ARHGEF33: variants seen among roughly 807,000 people sequenced by gnomAD.
ARHGEF33 encodes Rho guanine nucleotide exchange factor 33, also known as DH and coiled-coil domain-containing protein ENSP00000381780.
Under a neutral mutation model 101.9 loss-of-function variants are expected in ARHGEF33, and 72 were observed. That is an observed-to-expected ratio of 0.71 (90% CI 0.58 to 0.86). The LOEUF is 0.86. Among genes scored for constraint, ARHGEF33 ranks in the 40% least tolerant of loss-of-function variants. ARHGEF33 has a pLI of 0.00. For missense variants in ARHGEF33, 1,169 were observed against 1,111.3 expected (o/e 1.05, Z -0.74); for synonymous variants, 499 against 442.5 (o/e 1.13, Z -1.60).
intron 2 of ARHGEF33, among the ~76,000 whole-genome samples, chr2:38,912,936 G>A (rs759044005): frequency 1.3e-4 from 20 of 151,820 alleles, no homozygotes; most frequent in Non-Finnish European, 2.2e-4. Flanking sequence ...AAAATATGAA[G>A]CATCATGTTT....
At position 38,953,166 on chromosome 2, in the gene ARHGEF33, A is replaced by G; in HGVS notation, c.1058A>G (p.Asn353Ser). ...LFLKLTNDEN[N>S]FLDYYVAYLR... ...ATTTTTGTGTTTGTTTTAAAGAATAATTTCTTGGATTATTATGTTGCCTAC... is the reference window on the plus strand; with the variant it reads ...ATTTTTGTGTTTGTTTTAAAGAATAGTTTCTTGGATTATTATGTTGCCTAC... Residue 353 changes from asparagine (N) to serine (S), a missense_variant, in exon 12 of 18, where the codon AAT (asparagine) becomes AGT (serine). Physicochemically the swap from Asn to Ser is conservative, Grantham distance 46. Transcript: ENST00000409978. The G allele has an allele frequency of 6.7e-7, 1 of 1,481,598 alleles. No homozygotes were observed. Among genetic ancestry groups the G allele is most frequent in the Non-Finnish European group, 9.2e-7 (1 of 1,082,810 alleles). 91.8% of individuals were successfully genotyped at this position (1,481,598 alleles called of 1,614,324 possible).
chr2:38,951,750 A>ATG (rs1667613109), intron 11 of ARHGEF33, among the ~76,000 whole-genome samples: 1 of 152,188 alleles, frequency 6.6e-6, no homozygotes, highest in Admixed American at 6.5e-5. Context: ...ATGCATATAT[A>ATG]TATACACATG....
In ARHGEF33 at chr2:38,889,941, A is replaced by T. The variant is rs1558419811; in HGVS notation, c.-204A>T. ...ACCTTTAAGTTAATTCAGAACCCAG[A>T]TAAGCCTTGATCTGAGGATGATATA... On this transcript the variant is annotated 5_prime_UTR_variant, in exon 1 of 18. Coordinates refer to ENST00000409978, the MANE Select transcript of ARHGEF33 (RefSeq NM_001145451.5). 2.1e-6 allele frequency: 1 copy of T among 471,012 alleles called. No homozygotes were observed. The highest frequency in any genetic ancestry group is 4.4e-6 in the Non-Finnish European group (1 of 226,978). 29.2% of individuals were successfully genotyped at this position (471,012 alleles called of 1,614,324 possible). A position where few individuals can be genotyped will look rare whatever the true frequency, so the allele number is the denominator to read the frequency against.
At position 38,960,372 on chromosome 2, in the gene ARHGEF33, C is replaced by G. The variant is rs1667891595; in HGVS notation, c.2067C>G (p.Ala689=). ...SATSPAGSSS[A]YKLEAAAQAH... ...CGTCGCCGGCGGGCAGCAGCAGCGC[C>G]TACAAACTGGAGGCGGCGGCGCAGG... Residue 689 remains alanine, a synonymous_variant, in exon 16 of 18, where the codon GCC becomes GCG. Coordinates refer to ENST00000409978, the MANE Select transcript of ARHGEF33 (RefSeq NM_001145451.5). 1.3e-6 allele frequency: 2 copies of G among 1,524,948 alleles called. No homozygotes were observed. The highest frequency in any genetic ancestry group is 5.0e-5 in the East Asian group (2 of 40,388). The allele number at this position is 1,524,948 out of a possible 1,614,324, so 94.5% of individuals were successfully genotyped here.
chr2:38,950,319 A>G (rs1263349565), intron 10 of ARHGEF33, among the ~76,000 whole-genome samples: 1 of 152,198 alleles, frequency 6.6e-6, no homozygotes, highest in African/African-American at 2.4e-5. Flanking sequence ...ATTAGAATAG[A>G]CTATTTTGCA....
intron 1 of ARHGEF33, among the ~76,000 whole-genome samples, chr2:38,894,606 T>A (rs1666080580): frequency 6.6e-6 from 1 of 152,164 alleles, no homozygotes; most frequent in Non-Finnish European, 1.5e-5. Flanking sequence ...CCTTAGTATA[T>A]CACCTCTTGG....
intron 2 of ARHGEF33, among the ~76,000 whole-genome samples, chr2:38,909,438 C>T (rs1385985870): frequency 6.6e-6 from 1 of 151,708 alleles, no homozygotes; most frequent in Admixed American, 6.6e-5. Context: ...TCTCCCACCT[C>T]AGTCTTCCAA....
chr2:38,937,495 C>G lies in ARHGEF33; in HGVS notation c.726C>G (p.Leu242=). The change falls in exon 9 of 18, where the codon CTC becomes CTG. Residue 242 remains leucine, a synonymous_variant. Coordinates refer to ENST00000409978, the MANE Select transcript of ARHGEF33 (RefSeq NM_001145451.5). ...TCACAAAAGACCACCCAGATAAACT[C>G]AAGGAGGCTGGCCAGGGTAGACACA... The part of the protein sequence containing the change: ...EYVTKDHPDK[L]KEAGQGRHSS... 1 of 1,551,068 alleles carries G rather than the reference C, an allele frequency of 6.4e-7. No homozygotes were observed. The highest frequency in any genetic ancestry group is 8.7e-7 in the Non-Finnish European group (1 of 1,146,712).
chr2:38,924,700 T>C (rs1425003710), intron 4 of ARHGEF33, among the ~76,000 whole-genome samples: 1 of 152,186 alleles, frequency 6.6e-6, no homozygotes, highest in East Asian at 1.9e-4. Flanking sequence ...TGCAAGAATA[T>C]ACAGCCATAT....
intron 2 of ARHGEF33, among the ~76,000 whole-genome samples, chr2:38,900,788 C>G (rs144477884): frequency 4.7e-4 from 71 of 152,268 alleles, no homozygotes; most frequent in African/African-American, 1.6e-3. Context: ...AATCAAGATA[C>G]CTGAGGCAGA....
intron 2 of ARHGEF33, among the ~76,000 whole-genome samples, chr2:38,912,570 A>G (rs566445842): frequency 7.2e-5 from 11 of 152,336 alleles, no homozygotes; most frequent in African/African-American, 2.6e-4. Context: ...AAATATGAAG[A>G]AAAAGGACTC....
At chr2:38,944,176 C>T in intron 10 of ARHGEF33, 146 bp downstream of exon 10, 1 of 792,498 alleles carries the variant, frequency 1.3e-6, no homozygotes, top group Non-Finnish European at 1.9e-6. Context: ...TGGCAGATGT[C>T]TCAGTTCACT....
chr2:38,908,104 ACT>A lies in ARHGEF33; in HGVS notation c.-85-11256_-85-11255del, dbSNP rs1558424557. The stretch of plus-strand genomic sequence containing the variant: ...GGTCTTGAACTCCTGGGCTCAAATG[ACT>A]CTTTTGCCTCAGCCTCTCAAAGTGC... On this transcript the variant is annotated intron_variant, in intron 2 of 17. Transcript: ENST00000409978. Among the ~76,000 whole-genome samples the A allele has an allele frequency of 2.0e-5, 3 of 151,784 alleles. No homozygotes were observed. In the South Asian group the frequency reaches 6.3e-4, roughly 32 times the overall value.
At chr2:38,919,810 A>G (rs759713501) in intron 3 of ARHGEF33, among the ~76,000 whole-genome samples, 9 of 152,220 alleles carry the variant, frequency 5.9e-5, no homozygotes, top group African/African-American at 1.4e-4. Flanking sequence ...AATCTTTACC[A>G]TATAAAAACA....
intron 7 of ARHGEF33, 74 bp downstream of exon 7, chr2:38,931,325 C>A (rs923591900): frequency 5.4e-6 from 7 of 1,301,326 alleles, no homozygotes; most frequent in Non-Finnish European, 7.3e-6. Flanking sequence ...TGGGCTTAAA[C>A]CCTCCATCTT....
chr2:38,952,905 C>T (rs1558440891), intron 11 of ARHGEF33, among the ~76,000 whole-genome samples: 4 of 152,080 alleles, frequency 2.6e-5, no homozygotes, highest in Admixed American at 2.0e-4. Flanking sequence ...CACCGTGTTG[C>T]CCAGGCTGGT....
At chr2:38,909,526 A>G (rs1215145498) in intron 2 of ARHGEF33, among the ~76,000 whole-genome samples, 1 of 142,352 alleles carries the variant, frequency 7.0e-6, no homozygotes, top group Non-Finnish European at 1.5e-5. Flanking sequence ...TTTTGTAGAG[A>G]CAGGGTTTTG....
In ARHGEF33 at chr2:38,890,968, G is replaced by GTT. The variant is rs11380408; in HGVS notation, c.-159+994_-159+995dup. Among the ~76,000 whole-genome samples the GTT allele has an allele frequency of 5.2e-3, 752 of 144,784 alleles. 3 individuals carry two copies. Among genetic ancestry groups the GTT allele is most frequent in the Middle Eastern group, 7.2e-3 (2 of 276 alleles). The allele number at this position is 144,784 out of a possible 152,430, so 95.0% of individuals were successfully genotyped here. A position where few individuals can be genotyped will look rare whatever the true frequency, so the allele number is the denominator to read the frequency against. On this transcript the variant is annotated intron_variant, in intron 1 of 17. Transcript: ENST00000409978. ...TTGAAACAAGATGACCATACTATTG[G>GTT]TTTTTTTTTTTTTCTTTTTTCTTTT...
At chr2:38,896,282 G>A (rs972325498) in intron 2 of ARHGEF33, among the ~76,000 whole-genome samples, 1 of 152,110 alleles carries the variant, frequency 6.6e-6, no homozygotes, top group Non-Finnish European at 1.5e-5. Flanking sequence ...GGGATTACAG[G>A]CTCACGCCAC....
Sources: allele counts gnomAD v4.1 joint callset (sites outside exome capture counted in the v4.1 genomes callset), GRCh38; gene constraint gnomAD v4.1.1; transcripts MANE v1.5; gene names NCBI Gene and HGNC (gene_info 2026-07-23, HGNC 2026-07-21).